CACNA1C: variants seen among roughly 807,000 people sequenced by gnomAD.
CACNA1C encodes calcium voltage-gated channel subunit alpha1 C, also known as voltage-dependent L-type calcium channel subunit alpha-1C.
Under a neutral mutation model 229.0 loss-of-function variants are expected in CACNA1C, and 30 were observed. That is an observed-to-expected ratio of 0.13 (90% CI 0.10 to 0.18). The LOEUF is 0.18. CACNA1C is among the 10% of genes least tolerant of loss of function. The pLI is 1.00. For synonymous variants in CACNA1C, 1,114 were observed against 1,132.5 expected, an observed-to-expected ratio of 0.98 and a Z score of 0.33; for missense variants, 1,658 against 2,845.0, an observed-to-expected ratio of 0.58 and a Z score of 9.49.
chr12:2,055,581 T>G (rs971530438), intron 1 of CACNA1C, among the ~76,000 whole-genome samples: 4 of 152,068 alleles, frequency 2.6e-5, no homozygotes, highest in Admixed American at 2.6e-4. Context: ...GAGCAGACAT[T>G]AAAAGTAGGA....
At chr12:2,030,388 GT>G (rs5795989) in intron 1 of CACNA1C, among the ~76,000 whole-genome samples, 9,730 of 149,700 alleles carry the variant, frequency 0.065, 371 homozygotes, top group Middle Eastern at 0.08. Flanking sequence ...GCCCAACATA[GT>G]TTTTTTTTTT....
At chr12:2,323,517 G>C (rs2096126624) in intron 3 of CACNA1C, among the ~76,000 whole-genome samples, 2 of 152,122 alleles carry the variant, frequency 1.3e-5, no homozygotes, top group Non-Finnish European at 2.9e-5. Context: ...ATAGGAGGCG[G>C]GATCTTCAGC....
intron 1 of CACNA1C, among the ~76,000 whole-genome samples, chr12:2,114,610 G>A (rs939743669): frequency 6.6e-6 from 1 of 152,168 alleles, no homozygotes; most frequent in Admixed American, 6.5e-5. Context: ...GAGGTAGCTG[G>A]ATGTGACCTT....
intron 13 of CACNA1C, among the ~76,000 whole-genome samples, chr12:2,572,954 CTCT>C (rs1278072922): frequency 1.4e-4 from 9 of 63,108 alleles, no homozygotes; most frequent in East Asian, 9.8e-4. Flanking sequence ...TCTCCTCTTC[CTCT>C]TCCTCCTCTC....
intron 1 of CACNA1C, chr12:1,997,821 A>T: frequency 1.1e-6 from 1 of 893,906 alleles, no homozygotes; most frequent in Non-Finnish European, 1.7e-6. Context: ...ACTGAGATTT[A>T]ATTCTTTTAC....
chr12:2,066,843 G>T (rs1189127930), intron 1 of CACNA1C, among the ~76,000 whole-genome samples: 5 of 152,012 alleles, frequency 3.3e-5, no homozygotes, highest in Non-Finnish European at 7.4e-5. Flanking sequence ...ACGTAGAGGG[G>T]CATGGGGGGA....
intron 3 of CACNA1C, among the ~76,000 whole-genome samples, chr12:2,136,078 G>A (rs575379812): frequency 6.6e-6 from 1 of 151,250 alleles, no homozygotes; most frequent in East Asian, 1.9e-4. Context: ...TTCCAGGTGC[G>A]TCCGTCACCC....
chr12:2,696,770 A>T lies in CACNA1C; in HGVS notation c.*5571A>T, dbSNP rs1569333994. ...GAGATCTCAAGTTTATTACCAAGGGAATAAGGAAAAAAAGGTGAGCAGGCA... is the reference window on the plus strand; with the variant it reads ...GAGATCTCAAGTTTATTACCAAGGGTATAAGGAAAAAAAGGTGAGCAGGCA... On this transcript the variant is annotated 3_prime_UTR_variant, in exon 47 of 47. Transcript: ENST00000399655. The T allele has an allele frequency of 6.6e-6, 1 of 152,086 alleles. No individual in the cohort carries two copies. The highest frequency in any genetic ancestry group is 1.5e-5 in the Non-Finnish European group (1 of 68,022). 9.4% of individuals were successfully genotyped at this position (152,086 alleles called of 1,614,324 possible).
chr12:2,173,867 C>T (rs555381093), intron 3 of CACNA1C, among the ~76,000 whole-genome samples: 22 of 152,054 alleles, frequency 1.4e-4, no homozygotes, highest in Middle Eastern at 3.4e-3. Context: ...GATGGGGAGC[C>T]CTGTGATTTG....
chr12:2,141,369 C>A (rs2094165902), intron 3 of CACNA1C, among the ~76,000 whole-genome samples: 1 of 151,144 alleles, frequency 6.6e-6, no homozygotes, highest in East Asian at 1.9e-4. Flanking sequence ...TGCCAGAGGG[C>A]CTGGCCAGAG....
At chr12:2,330,490 C>T (rs2096509473) in intron 3 of CACNA1C, among the ~76,000 whole-genome samples, 1 of 152,202 alleles carries the variant, frequency 6.6e-6, no homozygotes, top group African/African-American at 2.4e-5. Context: ...TGATATCCTG[C>T]AAGGTAGGTG....
chr12:2,176,690 G>A (rs546039160), intron 3 of CACNA1C, among the ~76,000 whole-genome samples: 1 of 152,134 alleles, frequency 6.6e-6, no homozygotes, highest in African/African-American at 2.4e-5. Flanking sequence ...TAGCATTCTC[G>A]AGCGCTTCAG....
intron 1 of CACNA1C, among the ~76,000 whole-genome samples, chr12:1,984,958 A>G (rs1462878587): frequency 6.6e-6 from 1 of 151,696 alleles, no homozygotes; most frequent in Non-Finnish European, 1.5e-5. Flanking sequence ...ATAATTTCTG[A>G]TAAGAAATCT....
intron 18 of CACNA1C, among the ~76,000 whole-genome samples, chr12:2,588,472 T>C (rs974903619): frequency 1.3e-5 from 2 of 152,222 alleles, no homozygotes; most frequent in African/African-American, 2.4e-5. Flanking sequence ...CCCTCTCTCC[T>C]GGGCTGTCCA....
chr12:2,511,571 T>TACACACACACAC (rs35169529), intron 8 of CACNA1C, among the ~76,000 whole-genome samples: 21 of 149,996 alleles, frequency 1.4e-4, no homozygotes, highest in African/African-American at 5.1e-4. Flanking sequence ...CCTATGCATG[T>TACACACACACAC]ACACACACAC....
chr12:2,620,300 G>A (rs1168349675), intron 29 of CACNA1C, among the ~76,000 whole-genome samples: 3 of 152,106 alleles, frequency 2.0e-5, no homozygotes, highest in Non-Finnish European at 2.9e-5. Context: ...TTTAATCATT[G>A]TAAAAATCCT....
At chr12:2,606,839 C>A in intron 25 of CACNA1C, 145 bp from the exon 26 acceptor site, 1 of 1,042,884 alleles carries the variant, frequency 9.6e-7, no homozygotes, top group Non-Finnish European at 1.4e-6. Context: ...CCTGAAGTTT[C>A]TGCCCACTGA....
At chr12:1,982,909 A>G (rs891552135) in intron 1 of CACNA1C, among the ~76,000 whole-genome samples, 4 of 152,100 alleles carry the variant, frequency 2.6e-5, no homozygotes, top group Non-Finnish European at 5.9e-5. Flanking sequence ...AAACTATCTG[A>G]ACTTGGAGTT....
At chr12:2,291,880 A>G (rs540407643) in intron 3 of CACNA1C, among the ~76,000 whole-genome samples, 106 of 152,366 alleles carry the variant, frequency 7.0e-4, no homozygotes, top group African/African-American at 1.8e-3. Flanking sequence ...CTAGAAGAAG[A>G]GAGAGATCCT....
Sources: allele counts gnomAD v4.1 joint callset (sites outside exome capture counted in the v4.1 genomes callset), GRCh38; gene constraint gnomAD v4.1.1; transcripts MANE v1.5; gene names NCBI Gene and HGNC (gene_info 2026-07-23, HGNC 2026-07-21).